OPCML: variants seen among roughly 807,000 people sequenced by gnomAD.
OPCML encodes the protein opioid binding protein/cell adhesion molecule like.
In OPCML, 13 loss-of-function variants were observed where a neutral mutation model predicts 37.8. The ratio of observed to expected loss-of-function variants is 0.34; its 90% CI spans 0.22 to 0.55. The LOEUF is 0.55. Ranked by LOEUF, OPCML falls within the 20% of genes least tolerant of loss-of-function variation. The pLI is 0.91. For synonymous variants in OPCML, 176 were observed against 168.8 expected, an observed-to-expected ratio of 1.04 and a Z score of -0.33; for missense variants, 341 against 435.6, an observed-to-expected ratio of 0.78 and a Z score of 1.93.
intron 1 of OPCML, among the ~76,000 whole-genome samples, chr11:133,483,445 T>A (rs1328868887): frequency 6.6e-6 from 1 of 151,862 alleles, no homozygotes; most frequent in Non-Finnish European, 1.5e-5. Flanking sequence ...ATTAGCTAGA[T>A]TGATTGATAA....
intron 2 of OPCML, among the ~76,000 whole-genome samples, chr11:132,782,147 G>A (rs908413664): frequency 1.3e-5 from 2 of 151,830 alleles, no homozygotes; most frequent in Admixed American, 1.3e-4. Flanking sequence ...CTGTCTGAGA[G>A]AGTCAGTGGT....
chr11:133,365,040 T>C (rs1944507807), intron 1 of OPCML, among the ~76,000 whole-genome samples: 1 of 127,120 alleles, frequency 7.9e-6, no homozygotes, highest in Non-Finnish European at 1.6e-5. Context: ...TCTCTATCTC[T>C]CTCTCTTTCA....
rs116858772 is a variant in OPCML at position 133,129,820 on chromosome 11, G to A, written c.62-186810C>T. Among the ~76,000 whole-genome samples the A allele has an allele frequency of 3.9e-3, 597 of 152,196 alleles. 1 individual carries two copies. Among genetic ancestry groups the A allele is most frequent in the Non-Finnish European group, 6.1e-3 (412 of 68,014 alleles). ...CTACTTGGGAGGCTGAAGCAGGAAG[G>A]TAACTTGAACACAGGAGTTTGAGGC... On this transcript the variant is annotated intron_variant, in intron 1 of 7. Transcript: ENST00000524381.
chr11:133,360,901 C>T (rs538767959), intron 1 of OPCML: 1 of 152,404 alleles, frequency 6.6e-6, no homozygotes, highest in East Asian at 1.9e-4. Context: ...GCGGTAGATA[C>T]TCTAAGGGCT....
At chr11:133,515,183 G>A (rs1185951539) in intron 1 of OPCML, among the ~76,000 whole-genome samples, 3 of 152,206 alleles carry the variant, frequency 2.0e-5, no homozygotes, top group Admixed American at 2.0e-4. Context: ...GCAGGTCAGA[G>A]GTGCAGTCCT....
At chr11:133,169,561 T>C (rs1950260011) in intron 1 of OPCML, among the ~76,000 whole-genome samples, 1 of 152,204 alleles carries the variant, frequency 6.6e-6, no homozygotes, top group Non-Finnish European at 1.5e-5. Flanking sequence ...GGTTATTAAA[T>C]ACACATATGT....
At chr11:132,934,916 G>A (rs1251247106) in intron 2 of OPCML, among the ~76,000 whole-genome samples, 1 of 152,092 alleles carries the variant, frequency 6.6e-6, no homozygotes, top group African/African-American at 2.4e-5. Context: ...GGGATGGGGG[G>A]AACACCTGTG....
At chr11:133,458,176 A>G (rs565634298) in intron 1 of OPCML, among the ~76,000 whole-genome samples, 3,448 of 131,822 alleles carry the variant, frequency 0.026, 186 homozygotes, top group African/African-American at 0.12. Flanking sequence ...ATATACATAT[A>G]TGTGTATATA....
At chr11:133,474,996 C>T (rs999652724) in intron 1 of OPCML, among the ~76,000 whole-genome samples, 3 of 152,154 alleles carry the variant, frequency 2.0e-5, no homozygotes, top group Admixed American at 6.5e-5. Flanking sequence ...GCACCTACCA[C>T]GGTTACCAAG....
At chr11:133,349,749 T>C (rs1565586070) in intron 1 of OPCML, among the ~76,000 whole-genome samples, 1 of 152,168 alleles carries the variant, frequency 6.6e-6, no homozygotes, top group Non-Finnish European at 1.5e-5. Flanking sequence ...AGAACACAGC[T>C]GTGCTTTCAG....
intron 1 of OPCML, among the ~76,000 whole-genome samples, chr11:133,529,332 C>A (rs1036502743): frequency 2.6e-5 from 4 of 152,174 alleles, no homozygotes; most frequent in African/African-American, 9.7e-5. Context: ...ACAGAGCCCC[C>A]AGACCCAAGG....
At chr11:132,637,261 G>GT (rs887397759) in intron 3 of OPCML, among the ~76,000 whole-genome samples, 3 of 151,534 alleles carry the variant, frequency 2.0e-5, no homozygotes, top group African/African-American at 7.3e-5. Context: ...TATTTCCACC[G>GT]TTTTTTTCCA....
At chr11:133,207,337 C>G (rs1485147032) in intron 1 of OPCML, among the ~76,000 whole-genome samples, 6 of 151,846 alleles carry the variant, frequency 4.0e-5, no homozygotes, top group Non-Finnish European at 8.8e-5. Context: ...GAGAACATCT[C>G]CGTCTAAATG....
intron 3 of OPCML, among the ~76,000 whole-genome samples, chr11:132,595,884 G>A (rs1327239440): frequency 6.6e-6 from 1 of 152,198 alleles, no homozygotes; most frequent in East Asian, 1.9e-4. Flanking sequence ...GCCATGGACA[G>A]CATATGCCTG....
rs557200160 is a variant in OPCML, at chr11:132,566,019, C to T, written c.380-36833G>A. ...CTGCACTCCAGCCTGGGTGACAGAG[C>T]GAGACTCCGTCTCAAAAACAGAACA... On this transcript the variant is annotated intron_variant, in intron 3 of 7. Transcript: ENST00000524381. 5.8e-4 allele frequency among the ~76,000 whole-genome samples: 89 copies of T among 152,220 alleles called. 1 individual carries two copies. Among genetic ancestry groups the T allele is most frequent in the African/African-American group, 1.8e-3 (75 of 41,536 alleles).
intron 1 of OPCML, among the ~76,000 whole-genome samples, chr11:133,440,000 G>A (rs374259341): frequency 6.6e-6 from 1 of 152,192 alleles, no homozygotes. Context: ...AATAAAAGTT[G>A]AAAAGCATTT....
At chr11:133,453,301 T>C (rs2136962599) in intron 1 of OPCML, among the ~76,000 whole-genome samples, 1 of 152,312 alleles carries the variant, frequency 6.6e-6, no homozygotes, top group African/African-American at 2.4e-5. Context: ...AATAAATACG[T>C]GCATTTTAAA....
At chr11:132,945,459 C>T (rs1196111751) in intron 1 of OPCML, among the ~76,000 whole-genome samples, 3 of 152,172 alleles carry the variant, frequency 2.0e-5, no homozygotes, top group African/African-American at 7.2e-5. Flanking sequence ...CTGTACAGGA[C>T]ATTTGCCGCA....
intron 1 of OPCML, among the ~76,000 whole-genome samples, chr11:133,185,231 A>T (rs372294011): frequency 6.6e-6 from 1 of 152,228 alleles, no homozygotes; most frequent in African/African-American, 2.4e-5. Flanking sequence ...ATCAGAGTTC[A>T]TTCTCCAATT....
Sources: gnomAD v4.1 joint callset for allele counts (sites outside exome capture counted in the v4.1 genomes callset) on GRCh38, gnomAD v4.1.1 for gene constraint, MANE v1.5 for transcripts, NCBI Gene and HGNC (gene_info 2026-07-23, HGNC 2026-07-21) for gene names.